Variants in SHISA9 observed in about 807,000 individuals in gnomAD.
SHISA9 encodes protein shisa-9.
SHISA9 carries 13 observed loss-of-function variants against 38.0 expected under a neutral mutation model. That is an observed-to-expected ratio of 0.34 (90% CI 0.22 to 0.54). The LOEUF (loss-of-function observed/expected upper bound fraction) is 0.54, where lower values mean the gene tolerates loss of function less well. Ranked by LOEUF, SHISA9 falls within the 20% of genes least tolerant of loss-of-function variation. SHISA9 has a pLI of 0.91. For synonymous variants in SHISA9, 275 were observed against 242.0 expected (o/e 1.14, Z -1.27); for missense variants, 538 against 575.8 (o/e 0.93, Z 0.67).
intron 2 of SHISA9, among the ~76,000 whole-genome samples, chr16:13,070,720 C>T (rs943741381): frequency 6.6e-6 from 1 of 152,190 alleles, no homozygotes; most frequent in Non-Finnish European, 1.5e-5. Context: ...ATTAGCAAAC[C>T]TATGCAGTTG....
At chr16:13,374,063 A>G in the SHISA9 span, among the ~76,000 whole-genome samples, 8 of 152,216 alleles carry the variant, frequency 5.3e-5, no homozygotes, top group East Asian at 1.5e-3. Flanking sequence ...AGCTTGGCCA[A>G]CTTGGCCATA....
rs532626363 is a variant in SHISA9, at chr16:12,931,489, C to G, written c.691+14674C>G. 2.4e-3 allele frequency among the ~76,000 whole-genome samples: 365 copies of G among 152,272 alleles called. 1 individual carries two copies. The highest frequency in any genetic ancestry group is 8.5e-3 in the African/African-American group (352 of 41,556). On this transcript the variant is annotated intron_variant, in intron 2 of 4. Coordinates refer to ENST00000558583, the MANE Select transcript of SHISA9 (RefSeq NM_001145204.3). Reference sequence around the variant, plus strand: ...GTGTCTGTTATTCCCATCTTTATGTCCATGTCTACCCAGTATTTAGATCCC... The same window carrying G: ...GTGTCTGTTATTCCCATCTTTATGTGCATGTCTACCCAGTATTTAGATCCC...
At chr16:12,927,666 C>A (rs1237420165) in intron 2 of SHISA9, among the ~76,000 whole-genome samples, 1 of 151,730 alleles carries the variant, frequency 6.6e-6, no homozygotes, top group Non-Finnish European at 1.5e-5. Context: ...GCATTGGCCT[C>A]CCAAAGTGTT....
chr16:13,370,579 T>C, the SHISA9 span, among the ~76,000 whole-genome samples: 2 of 152,338 alleles, frequency 1.3e-5, no homozygotes, highest in East Asian at 1.9e-4. Context: ...CAGTTTATAA[T>C]TATCCTAATT....
chr16:13,445,866 C>T, the SHISA9 span, among the ~76,000 whole-genome samples: 1 of 152,100 alleles, frequency 6.6e-6, no homozygotes, highest in East Asian at 1.9e-4. Flanking sequence ...AAAATGGGGG[C>T]TAATAACATT....
rs1008816570 is a variant in SHISA9 at position 13,235,595 on chromosome 16, G to A, written c.*186G>A. On this transcript the variant is annotated 3_prime_UTR_variant, in exon 5 of 5. Transcript: ENST00000558583. ...TCCTAGGTCATGCCTGTAACGTGTC[G>A]GCGGGCAGCTGAGAAAGACCGAAGC... 2.1e-5 allele frequency: 15 copies of A among 722,040 alleles called. No individual in the cohort carries two copies. Among genetic ancestry groups the A allele is most frequent in the Admixed American group, 3.2e-5 (1 of 31,464 alleles). The allele number at this position is 722,040 out of a possible 1,614,324, so 44.7% of individuals were successfully genotyped here. A position where few individuals can be genotyped will look rare whatever the true frequency, so the allele number is the denominator to read the frequency against.
chr16:13,194,694 C>T lies in SHISA9; in HGVS notation c.692-8700C>T, dbSNP rs187007681. On this transcript the variant is annotated intron_variant, in intron 2 of 4. Transcript: ENST00000558583. ...CAGGCATATGGAAGTCATGGGCCATCCAGAGCCAAGCCCACACACTCAGGA... is the reference window on the plus strand; with the variant it reads ...CAGGCATATGGAAGTCATGGGCCATTCAGAGCCAAGCCCACACACTCAGGA... Among the ~76,000 whole-genome samples, 250 of 152,234 alleles carry T rather than the reference C, an allele frequency of 1.6e-3. 2 individuals carry two copies. The highest frequency in any genetic ancestry group is 5.7e-3 in the African/African-American group (237 of 41,528).
chr16:13,106,736 G>GA (rs919665564), intron 2 of SHISA9, among the ~76,000 whole-genome samples: 18 of 149,548 alleles, frequency 1.2e-4, no homozygotes, highest in East Asian at 7.8e-4. Context: ...ACTTTGGCTA[G>GA]AAAAAAAAAA....
the SHISA9 span, among the ~76,000 whole-genome samples, chr16:13,315,660 C>A: frequency 6.6e-6 from 1 of 152,166 alleles, no homozygotes; most frequent in Non-Finnish European, 1.5e-5. Flanking sequence ...ATACCTACCT[C>A]AAGGATGGTA....
rs372904735 is a variant in SHISA9, at chr16:13,203,590, C to A, written c.847+41C>A. On this transcript the variant is annotated intron_variant, in intron 3 of 4. Coordinates refer to ENST00000558583, the MANE Select transcript of SHISA9 (RefSeq NM_001145204.3). The stretch of plus-strand genomic sequence containing the variant: ...TGGATCTTTTTCTCTTTCTCCTCTT[C>A]GCTCTCCTTTGCTGCTTCTTGTAGA... 8 of 1,433,194 alleles carry A rather than the reference C, an allele frequency of 5.6e-6. No homozygotes were observed. The African/African-American group carries it at 1.1e-4, about 21-fold the overall frequency. 88.8% of individuals were successfully genotyped at this position (1,433,194 alleles called of 1,614,324 possible).
At chr16:13,016,541 C>A (rs2072759589) in intron 2 of SHISA9, among the ~76,000 whole-genome samples, 1 of 152,142 alleles carries the variant, frequency 6.6e-6, no homozygotes, top group Non-Finnish European at 1.5e-5. Flanking sequence ...GTGAGCTAGT[C>A]TTCAAGTTTT....
intron 4 of SHISA9, among the ~76,000 whole-genome samples, chr16:13,226,309 T>C (rs1046697364): frequency 2.6e-5 from 4 of 152,214 alleles, no homozygotes; most frequent in Admixed American, 1.3e-4. Flanking sequence ...CTTGAAAATA[T>C]CTCTTTGGAG....
At chr16:13,289,188 CCT>C in the SHISA9 span, among the ~76,000 whole-genome samples, 4 of 152,188 alleles carry the variant, frequency 2.6e-5, no homozygotes, top group Non-Finnish European at 5.9e-5. Flanking sequence ...ACCCTCCTCT[CCT>C]CTTTCTTCTG....
the SHISA9 span, among the ~76,000 whole-genome samples, chr16:13,400,661 G>T: frequency 6.6e-6 from 1 of 152,156 alleles, no homozygotes; most frequent in Admixed American, 6.5e-5. Context: ...CTCGATCAGA[G>T]GACAAGTGGA....
chr16:13,257,863 C>T, the SHISA9 span, among the ~76,000 whole-genome samples: 12 of 143,720 alleles, frequency 8.3e-5, no homozygotes, highest in South Asian at 2.7e-3. Context: ...AATTTAAATA[C>T]TTTATTTTTT....
At chr16:12,920,004 G>A (rs1293439885) in intron 2 of SHISA9, among the ~76,000 whole-genome samples, 2 of 152,216 alleles carry the variant, frequency 1.3e-5, no homozygotes, top group East Asian at 3.9e-4. Flanking sequence ...CTGACTGCCA[G>A]TGACACCCCT....
At chr16:13,039,175 C>G (rs1009724055) in intron 2 of SHISA9, among the ~76,000 whole-genome samples, 1 of 152,156 alleles carries the variant, frequency 6.6e-6, no homozygotes, top group Non-Finnish European at 1.5e-5. Flanking sequence ...TCCCAAACTG[C>G]TGGGATTACA....
the SHISA9 span, among the ~76,000 whole-genome samples, chr16:13,447,869 G>A: frequency 6.6e-6 from 1 of 152,172 alleles, no homozygotes; most frequent in South Asian, 2.1e-4. Context: ...AAATGCATTT[G>A]CAACAAAAAT....
chr16:13,542,222 G>A, the SHISA9 span, among the ~76,000 whole-genome samples: 1 of 152,118 alleles, frequency 6.6e-6, no homozygotes, highest in South Asian at 2.1e-4. Flanking sequence ...CTGACTTCTG[G>A]CCTCCAGAAC....
Sources: allele counts gnomAD v4.1 joint callset (sites outside exome capture counted in the v4.1 genomes callset), GRCh38; gene constraint gnomAD v4.1.1; transcripts MANE v1.5; gene names NCBI Gene and HGNC (gene_info 2026-07-23, HGNC 2026-07-21).